RAB3C: variants seen among roughly 807,000 people sequenced by gnomAD.
RAB3C encodes the protein RAB3C, member RAS oncogene family.
In RAB3C, 17 loss-of-function variants were observed where a neutral mutation model predicts 26.4. The observed-to-expected ratio is 0.64, with a 90% CI of 0.44 to 0.97. The LOEUF is 0.97. Ranked by LOEUF, RAB3C falls within the 50% of genes least tolerant of loss-of-function variation. The pLI is 0.00. For synonymous variants in RAB3C, 91 were observed against 95.9 expected (o/e 0.95, Z 0.30); for missense variants, 242 against 281.9 (o/e 0.86, Z 1.01).
At chr5:58,591,335 T>C (rs1207063686) in intron 1 of RAB3C, among the ~76,000 whole-genome samples, 1 of 152,086 alleles carries the variant, frequency 6.6e-6, no homozygotes, top group Admixed American at 6.6e-5. Flanking sequence ...TAAAGAGGTT[T>C]TCAAATCTCC....
intron 3 of RAB3C, among the ~76,000 whole-genome samples, chr5:58,747,055 A>G (rs1310529188): frequency 1.3e-5 from 2 of 152,208 alleles, no homozygotes; most frequent in African/African-American, 4.8e-5. Flanking sequence ...GAATTAAAAC[A>G]TACCCTGAAT....
chr5:58,692,007 G>C (rs553378174), intron 2 of RAB3C, among the ~76,000 whole-genome samples: 2 of 152,262 alleles, frequency 1.3e-5, no homozygotes, highest in South Asian at 4.1e-4. Context: ...ATAAAGTGAC[G>C]CTTTTTCTTC....
At chr5:58,789,142 C>T (rs1742463756) in intron 3 of RAB3C, among the ~76,000 whole-genome samples, 2 of 152,006 alleles carry the variant, frequency 1.3e-5, no homozygotes, top group South Asian at 4.1e-4. Context: ...AGATGCTAAG[C>T]CAGGCCTTGG....
Position 58,591,513 on chromosome 5 carries a change from T to A in RAB3C, c.24+8281T>A, listed in dbSNP as rs542772367. On this transcript the variant is annotated intron_variant, in intron 1 of 4. Coordinates refer to ENST00000282878, the MANE Select transcript of RAB3C (RefSeq NM_138453.4). ...CCACTTTATCTCCAGCAATACTCCTTGTCTTAAAGTCTATATTGTCTGATA... is the reference window on the plus strand; with the variant it reads ...CCACTTTATCTCCAGCAATACTCCTAGTCTTAAAGTCTATATTGTCTGATA... 4.6e-5 allele frequency among the ~76,000 whole-genome samples: 7 copies of A among 151,606 alleles called. No homozygotes were observed. In the East Asian group the frequency reaches 1.4e-3, roughly 29 times the overall value.
At chr5:58,774,506 T>A (rs1394542154) in intron 3 of RAB3C, among the ~76,000 whole-genome samples, 1 of 152,098 alleles carries the variant, frequency 6.6e-6, no homozygotes, top group Admixed American at 6.6e-5. Context: ...TACAGAGATA[T>A]TAGTGGGGAA....
rs542959748 is a variant in RAB3C, at chr5:58,844,896, A to G, written c.497-6268A>G. On this transcript the variant is annotated intron_variant, in intron 4 of 4. Transcript: ENST00000282878. The stretch of plus-strand genomic sequence containing the variant: ...GATGTTTCCCTGGGGTTAAAAAAGG[A>G]GCAACAGTGCCGCAGAACATCTCAT... Among the ~76,000 whole-genome samples the G allele has an allele frequency of 2.6e-5, 4 of 152,324 alleles. 1 individual carries two copies. The highest frequency in any genetic ancestry group is 9.6e-5 in the African/African-American group (4 of 41,566).
At chr5:58,715,072 G>A (rs983064186) in intron 2 of RAB3C, among the ~76,000 whole-genome samples, 2 of 151,904 alleles carry the variant, frequency 1.3e-5, no homozygotes, top group African/African-American at 2.4e-5. Context: ...CTAGAGAGTC[G>A]AGTGAGATAA....
intron 3 of RAB3C, among the ~76,000 whole-genome samples, chr5:58,751,786 T>C (rs1741531300): frequency 6.6e-6 from 1 of 152,244 alleles, no homozygotes; most frequent in Admixed American, 6.5e-5. Flanking sequence ...GAATGCTGAA[T>C]TAAATCTGCT....
At chr5:58,693,380 G>A (rs1248680341) in intron 2 of RAB3C, among the ~76,000 whole-genome samples, 1 of 128,380 alleles carries the variant, frequency 7.8e-6, no homozygotes, top group African/African-American at 3.8e-5. Flanking sequence ...TTAAAACCTT[G>A]CAATTCACCT....
In RAB3C at chr5:58,654,679, TCTTCTCC is replaced by T. The variant is rs1747728959; in HGVS notation, c.252+36810_252+36816del. Among the ~76,000 whole-genome samples the T allele has an allele frequency of 3.2e-4, 15 of 47,238 alleles. No homozygotes were observed. In the African/African-American group the frequency reaches 3.2e-3, roughly 10 times the overall value. 31.0% of individuals were successfully genotyped at this position (47,238 alleles called of 152,430 possible). On this transcript the variant is annotated intron_variant, in intron 2 of 4. Coordinates refer to ENST00000282878, the MANE Select transcript of RAB3C (RefSeq NM_138453.4). ...CCTTTCATATCATGCTCTCACTCTC[TCTTCTCC>T]TCTTTTTCCCTCTCTCTCTCTCCAA... is the stretch of plus-strand genomic sequence containing the variant.
chr5:58,789,319 A>G (rs1045530719), intron 3 of RAB3C, among the ~76,000 whole-genome samples: 1 of 152,142 alleles, frequency 6.6e-6, no homozygotes, highest in African/African-American at 2.4e-5. Context: ...TATAGTGCGT[A>G]TATCTACTCA....
At chr5:58,654,126 G>A (rs529862182) in intron 2 of RAB3C, among the ~76,000 whole-genome samples, 1 of 152,220 alleles carries the variant, frequency 6.6e-6, no homozygotes, top group South Asian at 2.1e-4. Flanking sequence ...AGATGAGCTG[G>A]CTTAGTCTAA....
chr5:58,710,598 C>CAAA lies in RAB3C; in HGVS notation c.253-15402_253-15400dup, dbSNP rs879804842. Among the ~76,000 whole-genome samples the CAAA allele has an allele frequency of 1.5e-4, 14 of 90,330 alleles. No individual in the cohort carries two copies. In the Middle Eastern group the frequency reaches 0.018, roughly 114 times the overall value. The allele number at this position is 90,330 out of a possible 152,430, so 59.3% of individuals were successfully genotyped here. A position where few individuals can be genotyped will look rare whatever the true frequency, so the allele number is the denominator to read the frequency against. ...TGGGCAAAAGAGCAAGACTCTGTCT[C>CAAA]AAAATAAATAAATAAATAAATAAAT... On this transcript the variant is annotated intron_variant, in intron 2 of 4. Coordinates refer to ENST00000282878, the MANE Select transcript of RAB3C (RefSeq NM_138453.4).
At chr5:58,663,929 G>A (rs926749584) in intron 2 of RAB3C, among the ~76,000 whole-genome samples, 24 of 152,068 alleles carry the variant, frequency 1.6e-4, no homozygotes, top group Admixed American at 9.2e-4. Context: ...TCTTAGTATC[G>A]TAATAGTGCT....
In RAB3C at chr5:58,602,943, A is replaced by C. The variant is rs957008885; in HGVS notation, c.25-14700A>C. 3.3e-5 allele frequency among the ~76,000 whole-genome samples: 5 copies of C among 152,152 alleles called. No homozygotes were observed. In the East Asian group the frequency reaches 7.7e-4, roughly 23 times the overall value. On this transcript the variant is annotated intron_variant, in intron 1 of 4. Coordinates refer to ENST00000282878, the MANE Select transcript of RAB3C (RefSeq NM_138453.4). Reference sequence around the variant, plus strand: ...TATGCTTTAATAAGGTTCTGTTTTGATGTGTTTCCAGGATTTGTTTCAAGG... The same window carrying C: ...TATGCTTTAATAAGGTTCTGTTTTGCTGTGTTTCCAGGATTTGTTTCAAGG...
intron 3 of RAB3C, among the ~76,000 whole-genome samples, chr5:58,818,494 G>A (rs1408611431): frequency 2.6e-5 from 4 of 152,062 alleles, no homozygotes; most frequent in Non-Finnish European, 5.9e-5. Context: ...GAAAGCTTGA[G>A]GTATTTGTTT....
intron 3 of RAB3C, among the ~76,000 whole-genome samples, chr5:58,817,497 G>T (rs1326857573): frequency 6.6e-6 from 1 of 151,876 alleles, no homozygotes; most frequent in Admixed American, 6.6e-5. Flanking sequence ...ACTTTATTAT[G>T]TTCCTGTTTC....
chr5:58,839,634 T>A (rs926564885), intron 4 of RAB3C, among the ~76,000 whole-genome samples: 5 of 152,150 alleles, frequency 3.3e-5, no homozygotes, highest in Admixed American at 3.3e-4. Flanking sequence ...CCTCCCAAAC[T>A]GCTGGGATTA....
At chr5:58,684,882 A>G (rs773848412) in intron 2 of RAB3C, among the ~76,000 whole-genome samples, 1 of 152,206 alleles carries the variant, frequency 6.6e-6, no homozygotes, top group Non-Finnish European at 1.5e-5. Flanking sequence ...CAGTGATGCT[A>G]TCCACTTGTT....
Sources: allele counts gnomAD v4.1 joint callset (sites outside exome capture counted in the v4.1 genomes callset), GRCh38; gene constraint gnomAD v4.1.1; transcripts MANE v1.5; gene names NCBI Gene and HGNC (gene_info 2026-07-23, HGNC 2026-07-21).